GABRA3: variants seen among roughly 807,000 people sequenced by gnomAD.
The protein encoded by GABRA3 is gamma-aminobutyric acid type A receptor subunit alpha3.
Under a neutral mutation model 30.1 loss-of-function variants are expected in GABRA3, and 10 were observed. That is an observed-to-expected ratio of 0.33 (90% CI 0.20 to 0.56). The LOEUF (loss-of-function observed/expected upper bound fraction) is 0.56. GABRA3 is among the 20% of genes least tolerant of loss of function. The pLI is 0.89. For synonymous variants in GABRA3, 151 were observed against 146.8 expected, an observed-to-expected ratio of 1.03 and a Z score of -0.21; for missense variants, 233 against 392.0, an observed-to-expected ratio of 0.59 and a Z score of 3.42.
chrX:152,240,061 C>T (rs1395006303), intron 5 of GABRA3, among the ~76,000 whole-genome samples: 1 of 94,386 alleles, frequency 1.1e-5, no homozygotes, highest in Non-Finnish European at 2.0e-5. Flanking sequence ...TGATTTTGCT[C>T]GTTAGTTGAT....
chrX:152,233,830 A>T, intron 5 of GABRA3, among the ~76,000 whole-genome samples: 1 of 106,256 alleles, frequency 9.4e-6, no homozygotes, highest in Middle Eastern at 4.7e-3. Context: ...GATTAAGAAA[A>T]TGTGGCACAT....
chrX:152,169,885 A>G (rs1174537817), intron 9 of GABRA3, among the ~76,000 whole-genome samples: 1 of 110,634 alleles, frequency 9.0e-6, no homozygotes, highest in Non-Finnish European at 1.9e-5. Flanking sequence ...GCTGACCCCT[A>G]TCTCCTCATC....
chrX:152,250,543 A>G (rs981003817), intron 5 of GABRA3: 5 of 111,736 alleles, frequency 4.5e-5, no homozygotes, highest in South Asian at 7.5e-4. Flanking sequence ...ACATTAATAG[A>G]GATGAAGTTT....
chrX:152,267,413 C>T (rs749239293), intron 4 of GABRA3, among the ~76,000 whole-genome samples: 1 of 111,447 alleles, frequency 9.0e-6, no homozygotes, highest in African/African-American at 3.3e-5. Context: ...ATTTGCTTTG[C>T]TAGTATTTTG....
At chrX:152,372,023 A>C (rs1221882818) in intron 1 of GABRA3, among the ~76,000 whole-genome samples, 1 of 111,108 alleles carries the variant, frequency 9.0e-6, no homozygotes, top group Non-Finnish European at 1.9e-5. Flanking sequence ...CCAGACTCTG[A>C]CCACTTCTCA....
At chrX:152,226,173 A>T (rs184805768) in intron 5 of GABRA3, among the ~76,000 whole-genome samples, 216 of 111,887 alleles carry the variant, frequency 1.9e-3, no homozygotes, top group African/African-American at 6.7e-3. Flanking sequence ...TAACAGTGTT[A>T]GGAAGCAAGA....
At chrX:152,395,985 T>C (rs759808240) in intron 1 of GABRA3, among the ~76,000 whole-genome samples, 4 of 112,249 alleles carry the variant, frequency 3.6e-5, no homozygotes, top group Admixed American at 9.5e-5. Flanking sequence ...AATTGTGTTC[T>C]ACAAAAGAGG....
intron 3 of GABRA3, among the ~76,000 whole-genome samples, chrX:152,298,381 C>T (rs1158834861): frequency 1.3e-3 from 141 of 105,733 alleles, no homozygotes; most frequent in African/African-American, 4.8e-3. Flanking sequence ...CCCCTTCCCC[C>T]ACCCCACAAC....
At chrX:152,367,106 G>A (rs754794802) in intron 1 of GABRA3, among the ~76,000 whole-genome samples, 5 of 110,969 alleles carry the variant, frequency 4.5e-5, no homozygotes, top group African/African-American at 1.6e-4. Context: ...AACATCATAC[G>A]AATATTCAGA....
chrX:152,445,804 A>G (rs1931073721), intron 1 of GABRA3, among the ~76,000 whole-genome samples: 1 of 111,911 alleles, frequency 8.9e-6, no homozygotes, highest in Non-Finnish European at 1.9e-5. Flanking sequence ...ACAGGCTCCA[A>G]CAAGACAAGT....
chrX:152,429,743 A>G (rs1930608978), intron 1 of GABRA3, among the ~76,000 whole-genome samples: 1 of 112,041 alleles, frequency 8.9e-6, no homozygotes, highest in Admixed American at 9.5e-5. Flanking sequence ...GTCTGTCACA[A>G]TAAGACTCTC....
intron 1 of GABRA3, among the ~76,000 whole-genome samples, chrX:152,442,744 T>C (rs1227409056): frequency 8.9e-6 from 1 of 112,106 alleles, no homozygotes; most frequent in African/African-American, 3.2e-5. Flanking sequence ...ATCTATTATA[T>C]ATTACAATTT....
chrX:152,236,078 T>C (rs1472475079), intron 5 of GABRA3, among the ~76,000 whole-genome samples: 1 of 94,811 alleles, frequency 1.1e-5, no homozygotes, highest in East Asian at 3.4e-4. Flanking sequence ...TGTGCCATGC[T>C]GGTGCGCTGC....
chrX:152,262,855 A>C (rs1009380981), intron 4 of GABRA3, among the ~76,000 whole-genome samples: 3 of 112,031 alleles, frequency 2.7e-5, no homozygotes, highest in African/African-American at 9.8e-5. Flanking sequence ...CTGTGATACC[A>C]GTTTACTGTA....
At chrX:152,343,811 T>C (rs1470717942) in intron 3 of GABRA3, among the ~76,000 whole-genome samples, 1 of 112,469 alleles carries the variant, frequency 8.9e-6, no homozygotes, top group African/African-American at 3.2e-5. Context: ...ACTATGGGTG[T>C]AGTAATTTCA....
intron 3 of GABRA3, among the ~76,000 whole-genome samples, chrX:152,328,849 G>C (rs1425137189): frequency 1.8e-5 from 2 of 111,578 alleles, no homozygotes; most frequent in Non-Finnish European, 3.8e-5. Flanking sequence ...GTTCTGGCCA[G>C]GGCAATCAGG....
chrX:152,227,782 A>G lies in GABRA3; in HGVS notation c.552-2937T>C, dbSNP rs775898421. Reference sequence around the variant, plus strand: ...TATTATCATCTTTATTTCAAAAATAAGAATTCATGGTGTTAAAGTGAGTTT... The same window carrying G: ...TATTATCATCTTTATTTCAAAAATAGGAATTCATGGTGTTAAAGTGAGTTT... On this transcript the variant is annotated intron_variant, in intron 5 of 9. Coordinates refer to ENST00000370314, the MANE Select transcript of GABRA3 (RefSeq NM_000808.4). 1.0e-4 allele frequency among the ~76,000 whole-genome samples: 11 copies of G among 110,083 alleles called. No homozygotes were observed. In the South Asian group the frequency reaches 3.9e-3, roughly 39 times the overall value.
intron 6 of GABRA3, among the ~76,000 whole-genome samples, chrX:152,216,698 G>A (rs1188157615): frequency 9.1e-6 from 1 of 109,432 alleles, no homozygotes; most frequent in East Asian, 2.9e-4. Flanking sequence ...TTGATTAATG[G>A]GTACAAGGTA....
intron 3 of GABRA3, among the ~76,000 whole-genome samples, chrX:152,323,645 T>C (rs770178712): frequency 7.4e-4 from 83 of 112,406 alleles, no homozygotes; most frequent in African/African-American, 2.5e-3. Context: ...ATCAGATATA[T>C]TCTTTTCTTC....
Sources: allele counts gnomAD v4.1 joint callset (sites outside exome capture counted in the v4.1 genomes callset), GRCh38; gene constraint gnomAD v4.1.1; transcripts MANE v1.5; gene names NCBI Gene and HGNC (gene_info 2026-07-23, HGNC 2026-07-21).